WASHC4: variants seen among roughly 807,000 people sequenced by gnomAD.
WASHC4 encodes WASH complex subunit 7.
Under a neutral mutation model 166.6 loss-of-function variants are expected in WASHC4, and 86 were observed. That is an observed-to-expected ratio of 0.52 (90% CI 0.43 to 0.62). WASHC4 has a LOEUF of 0.62. WASHC4 is among the 20% of genes least tolerant of loss of function. WASHC4 has a pLI of 0.00. For missense variants in WASHC4, 1,262 were observed against 1,382.4 expected (o/e 0.91, Z 1.38); for synonymous variants, 446 against 451.6 (o/e 0.99, Z 0.16).
intron 1 of WASHC4, among the ~76,000 whole-genome samples, chr12:105,108,117 C>A (rs917675774): frequency 2.0e-5 from 3 of 152,182 alleles, no homozygotes; most frequent in African/African-American, 7.2e-5. Flanking sequence ...TGCGGTGCCC[C>A]GCGGGGAGCG....
At chr12:105,148,884 A>G (rs1883516329) in intron 24 of WASHC4, 2 of 985,368 alleles carry the variant, frequency 2.0e-6, no homozygotes, top group African/African-American at 3.5e-5. Flanking sequence ...AATTAATTTT[A>G]CTGTGCTATT....
Position 105,164,655 on chromosome 12 carries a change from G to A in WASHC4, c.3369G>A (p.Leu1123=), listed in dbSNP as rs1884700904. 1.5e-5 allele frequency: 24 copies of A among 1,611,286 alleles called. No homozygotes were observed. The highest frequency in any genetic ancestry group is 2.0e-5 in the Non-Finnish European group (23 of 1,177,842). ...AATTTACTTAGGAATTTGAATTGCT[G>A]TATTTCTCACTGAGCAGTGCAAGAA... is the stretch of plus-strand genomic sequence containing the variant. ...LDVYLQEFEL[L]YFSLSSARIF... The change falls in exon 32 of 33, where the codon CTG becomes CTA. Residue 1123 remains leucine (L), a synonymous_variant. Coordinates refer to ENST00000332180, the MANE Select transcript of WASHC4 (RefSeq NM_015275.3).
intron 6 of WASHC4, among the ~76,000 whole-genome samples, chr12:105,118,236 G>C (rs1192854441): frequency 6.6e-6 from 1 of 152,170 alleles, no homozygotes; most frequent in African/African-American, 2.4e-5. Context: ...AATGCAGTGG[G>C]AACAAAGAGA....
chr12:105,110,005 G>A (rs1275698538), intron 1 of WASHC4, among the ~76,000 whole-genome samples: 1 of 152,200 alleles, frequency 6.6e-6, no homozygotes, highest in Non-Finnish European at 1.5e-5. Flanking sequence ...GAGAATCTGG[G>A]CAGTCTTATA....
rs1025307831 is a variant in WASHC4 at position 105,114,361 on chromosome 12, G to A, written c.256-1G>A. The A allele has an allele frequency of 6.3e-6, 10 of 1,599,704 alleles. No homozygotes were observed. The highest frequency in any genetic ancestry group is 1.3e-5 in the African/African-American group (1 of 74,424). ...TATTTTGTTTTTACTCATGAAACTA[G>A]GTCTTAAACAAAGTCATCACTGTTT... is the stretch of plus-strand genomic sequence containing the variant. On this transcript the variant is annotated splice_acceptor_variant, in intron 3 of 32. Coordinates refer to ENST00000332180, the MANE Select transcript of WASHC4 (RefSeq NM_015275.3). LOFTEE classifies it high-confidence loss of function.
chr12:105,134,403 T>A (rs1465664769), intron 14 of WASHC4, among the ~76,000 whole-genome samples: 1 of 152,140 alleles, frequency 6.6e-6, no homozygotes, highest in Non-Finnish European at 1.5e-5. Flanking sequence ...TCATACTGAT[T>A]AATGATATTG....
rs772550441 is a variant in WASHC4 at position 105,140,444 on chromosome 12, T to C, written c.1560+43T>C. ...TATTTAGCATAAGTATGTTATCTTT[T>C]TTGTTTGTTCTTTCATTGTTTTATA... On this transcript the variant is annotated intron_variant, in intron 16 of 32. Transcript: ENST00000332180. The C allele has an allele frequency of 5.7e-6, 8 of 1,395,656 alleles. No individual in the cohort carries two copies. In the Admixed American group the frequency reaches 1.3e-4, roughly 23 times the overall value. The allele number at this position is 1,395,656 out of a possible 1,614,324, so 86.5% of individuals were successfully genotyped here. A position where few individuals can be genotyped will look rare whatever the true frequency, so the allele number is the denominator to read the frequency against.
chr12:105,115,361 G>A (rs1182347297), intron 5 of WASHC4, 132 bp downstream of exon 5: 5 of 749,550 alleles, frequency 6.7e-6, no homozygotes, highest in Non-Finnish European at 1.2e-5. Context: ...TTGTTGGTAT[G>A]TTTGGTAAAC....
At chr12:105,122,012 A>G in intron 9 of WASHC4, 106 bp from the exon 10 acceptor site, 1 of 792,780 alleles carries the variant, frequency 1.3e-6, no homozygotes, top group Non-Finnish European at 2.0e-6. Flanking sequence ...GTGTAGAGCC[A>G]AACAAGAAAT....
intron 26 of WASHC4, 192 bp from the exon 27 acceptor site, chr12:105,156,534 G>A (rs1300329955): frequency 2.4e-6 from 1 of 409,880 alleles, no homozygotes; most frequent in Non-Finnish European, 4.3e-6. Context: ...ATATAAGTAT[G>A]TATGTTTATA....
chr12:105,114,077 A>G (rs1281870903), intron 2 of WASHC4, 139 bp from the exon 3 acceptor site: 1 of 638,738 alleles, frequency 1.6e-6, no homozygotes, highest in Non-Finnish European at 2.7e-6. Context: ...GTTTTGGATG[A>G]AGTAGTTGAT....
rs761674449 is a variant in WASHC4 at position 105,141,245 on chromosome 12, C to T, written c.1786C>T (p.Arg596Ter). The T allele has an allele frequency of 1.3e-6, 2 of 1,591,446 alleles. No individual in the cohort carries two copies. The highest frequency in any genetic ancestry group is 1.7e-6 in the Non-Finnish European group (2 of 1,159,488). Residue 596 changes from arginine to a stop codon, truncating the protein, a stop_gained and splice_region_variant, in exon 18 of 33, where the codon CGA (arginine) becomes TGA (stop). Transcript: ENST00000332180. LOFTEE classifies it high-confidence loss of function. ...GGATCTTATTAGTGAACTTAGAGAA[C>T]GGTAAGTAGGACTGGGATATGCTGT... Reference protein sequence around the residue: ...KLDLISELRERVQTQCDCCFL... With the variant: ...KLDLISELRE
chr12:105,163,249 T>C (rs929969144), intron 30 of WASHC4, among the ~76,000 whole-genome samples: 2 of 152,126 alleles, frequency 1.3e-5, no homozygotes, highest in African/African-American at 4.8e-5. Flanking sequence ...TGAGCCACCA[T>C]GCCCGGCCTA....
rs180773120 is a variant in WASHC4 at position 105,118,465 on chromosome 12, C to T, written c.455C>T (p.Thr152Met). Residue 152 changes from threonine to methionine, a missense_variant, in exon 7 of 33, where the codon ACG becomes ATG. Thr to Met is a moderately conservative substitution (Grantham distance 81, BLOSUM62 -1). Transcript: ENST00000332180. The stretch of plus-strand genomic sequence containing the variant: ...TTTCAGGAACTGTCTTGCTTTGTTA[C>T]GAGGTGCTATGAAGTGGTGATGAAC... ...SFLQELSCFV[T>M]RCYEVVMNVV... The T allele has an allele frequency of 1.2e-5, 20 of 1,612,828 alleles. No individual in the cohort carries two copies. The Middle Eastern group carries it at 5.0e-4, about 40-fold the overall frequency.
At chr12:105,152,308 C>A (rs1883831445) in intron 25 of WASHC4, 35 bp from the exon 26 acceptor site, 2 of 1,067,012 alleles carry the variant, frequency 1.9e-6, no homozygotes, top group Non-Finnish European at 2.9e-6. Context: ...CTTTAGAAAT[C>A]TTTATTAAAA....
At chr12:105,130,101 A>C (rs1881662496) in intron 13 of WASHC4, among the ~76,000 whole-genome samples, 1 of 152,248 alleles carries the variant, frequency 6.6e-6, no homozygotes, top group Non-Finnish European at 1.5e-5. Context: ...CCCAAGTTTA[A>C]ACAACTAGTA....
intron 27 of WASHC4, 136 bp downstream of exon 27, chr12:105,156,928 A>T (rs538562235): frequency 3.1e-4 from 228 of 740,606 alleles, no homozygotes; most frequent in African/African-American, 2.9e-3. Flanking sequence ...GAAGAAAACT[A>T]TTAATTCTAC....
Position 105,137,994 on chromosome 12 carries a change from C to T in WASHC4, c.1435C>T (p.Leu479Phe). 6.2e-7 allele frequency: 1 copy of T among 1,612,660 alleles called. No individual in the cohort carries two copies. The highest frequency in any genetic ancestry group is 8.5e-7 in the Non-Finnish European group (1 of 1,179,100). ...AACCTCAGTTAAGGCATTGTGCAGG[C>T]TTGTTGAACTTCTCAAGGTAGGTTT... ...TKTSVKALCR[L>F]VELLKAIEHM... Residue 479 changes from leucine to phenylalanine, a missense_variant, in exon 15 of 33, where the codon CTT (leucine) becomes TTT (phenylalanine). Physicochemically the swap from Leu to Phe is conservative, Grantham distance 22. Coordinates refer to ENST00000332180, the MANE Select transcript of WASHC4 (RefSeq NM_015275.3).
At position 105,166,918 on chromosome 12, in the gene WASHC4, C is replaced by A; in HGVS notation, c.3509C>A (p.Pro1170His). 6.2e-7 allele frequency: 1 copy of A among 1,604,182 alleles called. No homozygotes were observed. Among genetic ancestry groups the A allele is most frequent in the Non-Finnish European group, 8.5e-7 (1 of 1,174,618 alleles). ...DLSDSTVSAD[P>H]VVK ...TCTGACAGCACTGTGTCTGCTGATCCTGTTGTGAAATGATACGGATGGTAT... is the reference window on the plus strand; with the variant it reads ...TCTGACAGCACTGTGTCTGCTGATCATGTTGTGAAATGATACGGATGGTAT... The change falls in exon 33 of 33, where the codon CCT (proline) becomes CAT (histidine). Residue 1170 changes from proline to histidine, a missense_variant. By Grantham distance (77) the Pro-to-His change is moderately conservative (BLOSUM62 -2). Transcript: ENST00000332180.
Sources: gnomAD v4.1 joint callset for allele counts (sites outside exome capture counted in the v4.1 genomes callset) on GRCh38, gnomAD v4.1.1 for gene constraint, MANE v1.5 for transcripts, NCBI Gene and HGNC (gene_info 2026-07-23, HGNC 2026-07-21) for gene names.